DIAPH1: variants seen among roughly 807,000 people sequenced by gnomAD.
DIAPH1 encodes the protein diaphanous related formin 1, also known as protein diaphanous homolog 1.
DIAPH1 carries 46 observed loss-of-function variants against 140.7 expected under a neutral mutation model. The ratio of observed to expected loss-of-function variants is 0.33; its 90% CI spans 0.26 to 0.42. The LOEUF (loss-of-function observed/expected upper bound fraction) is 0.42, where lower values mean the gene tolerates loss of function less well. Ranked by LOEUF, DIAPH1 falls within the 10% of genes least tolerant of loss-of-function variation. DIAPH1 has a pLI of 1.00. For missense variants in DIAPH1, 1,310 were observed against 1,558.7 expected, an observed-to-expected ratio of 0.84 and a Z score of 2.69; for synonymous variants, 565 against 551.6, an observed-to-expected ratio of 1.02 and a Z score of -0.34.
chr5:141,608,490 T>C (rs916733410), intron 1 of DIAPH1, among the ~76,000 whole-genome samples: 1 of 152,214 alleles, frequency 6.6e-6, no homozygotes, highest in African/African-American at 2.4e-5. Context: ...TTTCTATCCC[T>C]CTTTTATAGA....
At chr5:141,578,984 T>C (rs1361488685) in intron 9 of DIAPH1, 104 bp downstream of exon 9, 20 of 873,342 alleles carry the variant, frequency 2.3e-5, no homozygotes, top group Non-Finnish European at 3.8e-5. Flanking sequence ...ATGTAAAATA[T>C]ATAGTTGGGA....
intron 18 of DIAPH1, 73 bp from the exon 19 acceptor site, chr5:141,534,506 C>G: frequency 1.6e-6 from 2 of 1,216,776 alleles, no homozygotes; most frequent in Non-Finnish European, 2.4e-6. Context: ...AACTACTGTC[C>G]AGCGTGAAAT....
chr5:141,559,457 T>A (rs1010170469), intron 18 of DIAPH1, among the ~76,000 whole-genome samples: 3 of 152,248 alleles, frequency 2.0e-5, no homozygotes, highest in Non-Finnish European at 4.4e-5. Context: ...CAAACTGGCA[T>A]TAATGAACAA....
chr5:141,586,753 TAC>T (rs1444111810), intron 3 of DIAPH1, among the ~76,000 whole-genome samples: 1 of 151,986 alleles, frequency 6.6e-6, no homozygotes, highest in Non-Finnish European at 1.5e-5. Flanking sequence ...CCAACTCTGG[TAC>T]ACAGGGTTAG....
chr5:141,603,827 G>C (rs2099900521), intron 1 of DIAPH1, among the ~76,000 whole-genome samples: 3 of 152,238 alleles, frequency 2.0e-5, no homozygotes, highest in East Asian at 3.9e-4. Flanking sequence ...AGTTCAAGAA[G>C]GCAAGTACCT....
chr5:141,526,504 A>G, intron 24 of DIAPH1, 43 bp from the exon 25 acceptor site: 1 of 1,612,736 alleles, frequency 6.2e-7, no homozygotes, highest in South Asian at 1.1e-5. Flanking sequence ...ACCAAGAAGC[A>G]GACCCACTTC....
At chr5:141,552,180 AGTTGTTTTT>A (rs1372783340) in intron 18 of DIAPH1, among the ~76,000 whole-genome samples, 1 of 151,868 alleles carries the variant, frequency 6.6e-6, no homozygotes, top group Non-Finnish European at 1.5e-5. Flanking sequence ...TATAATCACA[AGTTGTTTTT>A]GTTGTTTTTT....
chr5:141,523,320 C>T (rs1313165932), intron 27 of DIAPH1, among the ~76,000 whole-genome samples: 4 of 152,234 alleles, frequency 2.6e-5, no homozygotes, highest in African/African-American at 7.2e-5. Flanking sequence ...CCTCAAAAGA[C>T]CTTCACTAGA....
rs953060204 is a variant in DIAPH1, at chr5:141,573,809, A to G, written c.2041T>C (p.Leu681=). Residue 681 remains leucine, a synonymous_variant, in exon 16 of 28, where the codon TTG becomes CTG. Transcript: ENST00000389054. Reference sequence around the variant, plus strand: ...GGGGGGATTCTAGCACTCCCAGGCAAAGGAGGAGGTGGGGGGATGGCAGTA... The same window carrying G: ...GGGGGGATTCTAGCACTCCCAGGCAGAGGAGGAGGTGGGGGGATGGCAGTA... ...GGTAIPPPPP[L]PGSARIPPPP... 7.7e-6 allele frequency: 10 copies of G among 1,290,596 alleles called. No homozygotes were observed. The highest frequency in any genetic ancestry group is 3.3e-5 in the African/African-American group (2 of 60,420). The allele number at this position is 1,290,596 out of a possible 1,614,324, so 79.9% of individuals were successfully genotyped here. A position where few individuals can be genotyped will look rare whatever the true frequency, so the allele number is the denominator to read the frequency against.
intron 27 of DIAPH1, among the ~76,000 whole-genome samples, chr5:141,519,481 A>T (rs1303623183): frequency 6.6e-6 from 1 of 152,170 alleles, no homozygotes. Context: ...CCTGGGCAAC[A>T]CAGGAGAAGG....
intron 19 of DIAPH1, among the ~76,000 whole-genome samples, chr5:141,529,920 C>CA (rs1347058941): frequency 6.6e-6 from 1 of 151,958 alleles, no homozygotes; most frequent in Non-Finnish European, 1.5e-5. Flanking sequence ...CTCATCTCCA[C>CA]AAAAAATACA....
In DIAPH1 at chr5:141,526,373, T is replaced by C; in HGVS notation, c.3362A>G (p.Tyr1121Cys). The C allele has an allele frequency of 1.2e-6, 2 of 1,614,202 alleles. No individual in the cohort carries two copies. Among genetic ancestry groups the C allele is most frequent in the Non-Finnish European group, 1.7e-6 (2 of 1,180,032 alleles). The stretch of plus-strand genomic sequence containing the variant: ...CAACTTCTTGGGGTCAAAGAGGAAG[T>C]ACTCGCCCAGCTCCTTATAGAGGGT... ...METLYKELGE[Y>C]FLFDPKKLSV... The change falls in exon 25 of 28, where the codon TAC becomes TGC. Residue 1121 changes from tyrosine (Y) to cysteine (C), a missense_variant. Physicochemically the swap from Tyr to Cys is radical, Grantham distance 194. Transcript: ENST00000389054.
intron 18 of DIAPH1, among the ~76,000 whole-genome samples, chr5:141,556,493 T>C (rs551225148): frequency 6.6e-6 from 1 of 152,220 alleles, no homozygotes; most frequent in South Asian, 2.1e-4. Context: ...TCTCAAGACT[T>C]TGGGTAACAG....
At chr5:141,547,215 C>A (rs1251995557) in intron 18 of DIAPH1, among the ~76,000 whole-genome samples, 3 of 152,168 alleles carry the variant, frequency 2.0e-5, no homozygotes, top group Non-Finnish European at 4.4e-5. Context: ...CGCGGTAATC[C>A]CGCACTTTGG....
At chr5:141,605,066 T>C (rs2099900725) in intron 1 of DIAPH1, among the ~76,000 whole-genome samples, 1 of 152,200 alleles carries the variant, frequency 6.6e-6, no homozygotes, top group Non-Finnish European at 1.5e-5. Context: ...CCATATATCA[T>C]GTACTGTTCT....
intron 18 of DIAPH1, among the ~76,000 whole-genome samples, chr5:141,553,133 G>A (rs2099891999): frequency 6.6e-6 from 1 of 151,950 alleles, no homozygotes; most frequent in Non-Finnish European, 1.5e-5. Context: ...CTCTACTAAA[G>A]ATACAAAAAT....
In DIAPH1 at chr5:141,614,960, C is replaced by T. The variant is rs151171775; in HGVS notation, c.117+3838G>A. ...AAGAGGATATAAGCAGAAATCTGCA[C>T]GAACAACTCCACTTCTTTCTGCCTG... is the stretch of plus-strand genomic sequence containing the variant. On this transcript the variant is annotated intron_variant, in intron 1 of 27. Transcript: ENST00000389054. 3.7e-3 allele frequency among the ~76,000 whole-genome samples: 571 copies of T among 152,268 alleles called. 5 individuals carry two copies. The highest frequency in any genetic ancestry group is 0.011 in the Admixed American group (161 of 15,282).
intron 18 of DIAPH1, among the ~76,000 whole-genome samples, chr5:141,550,136 C>G (rs767508808): frequency 1.3e-5 from 2 of 151,856 alleles, no homozygotes; most frequent in African/African-American, 2.4e-5. Flanking sequence ...GAGGGACTTT[C>G]TATACTGATT....
chr5:141,568,348 G>A (rs2099894681), intron 18 of DIAPH1, among the ~76,000 whole-genome samples: 2 of 149,934 alleles, frequency 1.3e-5, no homozygotes, highest in Admixed American at 1.3e-4. Flanking sequence ...TTCAAAAAGA[G>A]TCAACAAAGA....
Sources: allele counts gnomAD v4.1 joint callset (sites outside exome capture counted in the v4.1 genomes callset), GRCh38; gene constraint gnomAD v4.1.1; transcripts MANE v1.5; gene names NCBI Gene and HGNC (gene_info 2026-07-23, HGNC 2026-07-21).